The following FBLN2 variants were observed in gnomAD, a reference collection of about 807,000 sequenced individuals.
FBLN2 encodes the protein fibulin-2.
FBLN2 carries 81 observed loss-of-function variants against 123.7 expected under a neutral mutation model. The ratio of observed to expected loss-of-function variants is 0.65; its 90% CI spans 0.55 to 0.79. The LOEUF is 0.79. FBLN2 is among the 30% of genes least tolerant of loss of function. FBLN2 has a pLI of 0.00. For synonymous variants in FBLN2, 699 were observed against 701.4 expected, an observed-to-expected ratio of 1.00 and a Z score of 0.05; for missense variants, 1,603 against 1,681.3, an observed-to-expected ratio of 0.95 and a Z score of 0.81.
intron 1 of FBLN2, among the ~76,000 whole-genome samples, chr3:13,553,329 C>T (rs969857082): frequency 2.0e-5 from 3 of 152,124 alleles, no homozygotes; most frequent in Non-Finnish European, 2.9e-5. Context: ...GAGGACAAGG[C>T]GGCAGGTGGG....
intron 2 of FBLN2, among the ~76,000 whole-genome samples, chr3:13,593,994 T>G (rs1400145447): frequency 6.6e-6 from 1 of 152,200 alleles, no homozygotes; most frequent in Non-Finnish European, 1.5e-5. Flanking sequence ...CACTTCAGAG[T>G]TGAGCTGAGT....
At chr3:13,583,770 C>T (rs536383763) in intron 2 of FBLN2, among the ~76,000 whole-genome samples, 2 of 152,344 alleles carry the variant, frequency 1.3e-5, no homozygotes, top group African/African-American at 4.8e-5. Flanking sequence ...GGTAGGCAAG[C>T]CTGCCTGGCA....
intron 2 of FBLN2, among the ~76,000 whole-genome samples, chr3:13,600,334 A>G (rs1321899370): frequency 6.6e-6 from 1 of 152,184 alleles, no homozygotes; most frequent in East Asian, 1.9e-4. Context: ...CCCTCCCAGC[A>G]TAAGGGTCAC....
intron 1 of FBLN2, among the ~76,000 whole-genome samples, chr3:13,554,248 G>A (rs1703404952): frequency 2.6e-5 from 4 of 152,172 alleles, no homozygotes; most frequent in Admixed American, 2.6e-4. Flanking sequence ...GTCTCCCGTG[G>A]CTTCTGTCTT....
chr3:13,628,014 A>C (rs377577548), intron 11 of FBLN2, 45 bp downstream of exon 11: 2 of 1,581,992 alleles, frequency 1.3e-6, no homozygotes, highest in Admixed American at 3.6e-5. Context: ...CTAGGGCTCT[A>C]CTGGAGGCAT....
chr3:13,595,871 A>T (rs1704825288), intron 2 of FBLN2, among the ~76,000 whole-genome samples: 1 of 152,228 alleles, frequency 6.6e-6, no homozygotes, highest in Non-Finnish European at 1.5e-5. Flanking sequence ...AAATTACAAA[A>T]GGGGTAAACA....
At chr3:13,568,945 G>A in intron 1 of FBLN2, 1 of 985,680 alleles carries the variant, frequency 1.0e-6, no homozygotes, top group Non-Finnish European at 1.2e-6. Context: ...AAATGGGGCA[G>A]GCTTGGGGAC....
chr3:13,565,890 T>C (rs1703733602), intron 1 of FBLN2, among the ~76,000 whole-genome samples: 1 of 152,250 alleles, frequency 6.6e-6, no homozygotes, highest in African/African-American at 2.4e-5. Flanking sequence ...GGGTACTGCC[T>C]TGCAAAGAGG....
intron 11 of FBLN2, 122 bp downstream of exon 11, chr3:13,628,091 C>A: frequency 7.8e-7 from 1 of 1,278,150 alleles, no homozygotes. Context: ...TCTCCCAGCC[C>A]CCTTGTCCCT....
In FBLN2 at chr3:13,587,156, A is replaced by AT. The variant is rs1441595811; in HGVS notation, c.1306+15495_1306+15496insT. On this transcript the variant is annotated intron_variant, in intron 2 of 17. Transcript: ENST00000404922. ...CGAGACTCCGTCTCAAAAAAAAAAA[A>AT]AAAAATAAATAAATAATTAAAAAAA... 4.2e-3 allele frequency among the ~76,000 whole-genome samples: 625 copies of AT among 150,546 alleles called. 6 individuals carry two copies. Among genetic ancestry groups the AT allele is most frequent in the African/African-American group, 0.014 (579 of 41,276 alleles).
intron 2 of FBLN2, among the ~76,000 whole-genome samples, chr3:13,597,922 C>T (rs903548684): frequency 1.3e-5 from 2 of 152,220 alleles, no homozygotes; most frequent in Non-Finnish European, 2.9e-5. Context: ...GAGAGAATCT[C>T]TGAGTTGAGG....
At chr3:13,610,971 G>A (rs1559418233) in intron 4 of FBLN2, among the ~76,000 whole-genome samples, 1 of 151,382 alleles carries the variant, frequency 6.6e-6, no homozygotes, top group African/African-American at 2.4e-5. Context: ...GCAGTGGTAC[G>A]ATCTCGTCTC....
In FBLN2 at chr3:13,629,926, G is replaced by A. The variant is rs748718491; in HGVS notation, c.2949G>A (p.Ala983=). Residue 983 remains alanine (A), a synonymous_variant, in exon 14 of 18, where the codon GCG becomes GCA. Transcript: ENST00000404922. ...GCGCCTCCGGGTTCCTGCTAGCAGC[G>A]GACGGCAAGCGCTGTGAAGGTAGGC... ...CSCASGFLLA[A]DGKRCEDVNE... The A allele has an allele frequency of 1.4e-5, 22 of 1,610,252 alleles. No homozygotes were observed. Among genetic ancestry groups the A allele is most frequent in the South Asian group, 1.1e-4 (10 of 90,138 alleles).
chr3:13,559,900 G>A (rs1233704050), intron 1 of FBLN2, among the ~76,000 whole-genome samples: 1 of 152,214 alleles, frequency 6.6e-6, no homozygotes, highest in Non-Finnish European at 1.5e-5. Flanking sequence ...GCCCCAGGCG[G>A]GGCATGGGTG....
intron 1 of FBLN2, among the ~76,000 whole-genome samples, chr3:13,554,426 T>A (rs2125030882): frequency 6.6e-6 from 1 of 152,366 alleles, no homozygotes; most frequent in Non-Finnish European, 1.5e-5. Context: ...AGCTTTTAGA[T>A]GATCCAGAAA....
In FBLN2 at chr3:13,627,867, C is replaced by T. The variant is rs1369498949; in HGVS notation, c.2467C>T (p.Gln823Ter). The T allele has an allele frequency of 1.2e-6, 2 of 1,613,580 alleles. No individual in the cohort carries two copies. Among genetic ancestry groups the T allele is most frequent in the Non-Finnish European group, 8.5e-7 (1 of 1,179,826 alleles). ...GTGTGCGATGGGCACGCACACCTGC[C>T]AGCCGGGCTTCTTGTGCCAGAACAC... Reference protein sequence around the residue: ...DECAMGTHTCQPGFLCQNTKG... With the variant: ...DECAMGTHTC Residue 823 changes from glutamine to a stop codon, truncating the protein, a stop_gained, in exon 11 of 18, where the codon CAG (glutamine) becomes TAG (stop). Coordinates refer to ENST00000404922, the MANE Select transcript of FBLN2 (RefSeq NM_001004019.2). LOFTEE classifies it high-confidence loss of function.
chr3:13,624,224 G>C (rs1705948431), intron 9 of FBLN2, among the ~76,000 whole-genome samples: 1 of 152,188 alleles, frequency 6.6e-6, no homozygotes, highest in African/African-American at 2.4e-5. Context: ...TGTGACTCTG[G>C]TCCAGTCACA....
intron 2 of FBLN2, among the ~76,000 whole-genome samples, chr3:13,600,534 C>CA (rs1303940659): frequency 6.6e-6 from 1 of 151,868 alleles, no homozygotes; most frequent in Non-Finnish European, 1.5e-5. Flanking sequence ...ACCTGTGCAA[C>CA]AGACATGGGG....
chr3:13,602,401 G>A (rs189457847), intron 2 of FBLN2, among the ~76,000 whole-genome samples: 10 of 152,238 alleles, frequency 6.6e-5, no homozygotes, highest in Non-Finnish European at 1.3e-4. Flanking sequence ...ATGTTCTCGG[G>A]TATTCTTAAG....
Sources: gnomAD v4.1 joint callset for allele counts (sites outside exome capture counted in the v4.1 genomes callset) on GRCh38, gnomAD v4.1.1 for gene constraint, MANE v1.5 for transcripts, NCBI Gene and HGNC (gene_info 2026-07-23, HGNC 2026-07-21) for gene names.